Variants in MALRD1 observed in about 807,000 individuals in gnomAD.
MALRD1 encodes MAM and LDL receptor class A domain containing 1, also known as MAM and LDL-receptor class A domain-containing protein 1.
In MALRD1, 247 loss-of-function variants were observed where a neutral mutation model predicts 242.1. The ratio of observed to expected loss-of-function variants is 1.02; its 90% CI spans 0.92 to 1.13. The LOEUF is 1.13. Among genes scored for constraint, MALRD1 ranks in the 50% most tolerant of loss-of-function variants. MALRD1 has a pLI of 0.00. For missense variants in MALRD1, 2,989 were observed against 2,533.1 expected (o/e 1.18, Z -3.86); for synonymous variants, 995 against 866.6 (o/e 1.15, Z -2.60).
intron 33 of MALRD1, among the ~76,000 whole-genome samples, chr10:19,593,209 C>T (rs1837909174): frequency 6.6e-6 from 1 of 152,162 alleles, no homozygotes; most frequent in Non-Finnish European, 1.5e-5. Flanking sequence ...GCTGTGATCT[C>T]AGGCAGTTAG....
At chr10:19,585,593 C>G (rs976715484) in intron 33 of MALRD1, among the ~76,000 whole-genome samples, 1 of 152,090 alleles carries the variant, frequency 6.6e-6, no homozygotes, top group African/African-American at 2.4e-5. Context: ...GCTGAGAGAT[C>G]TGCTGTTATT....
At chr10:19,535,232 C>T (rs532776981) in intron 32 of MALRD1, among the ~76,000 whole-genome samples, 3 of 151,990 alleles carry the variant, frequency 2.0e-5, no homozygotes, top group Non-Finnish European at 2.9e-5. Context: ...TTGGAAACCA[C>T]GTGAGCATCA....
chr10:19,679,163 C>A (rs943436478), intron 36 of MALRD1, among the ~76,000 whole-genome samples: 2 of 152,148 alleles, frequency 1.3e-5, no homozygotes, highest in African/African-American at 4.8e-5. Flanking sequence ...CAGGATGATG[C>A]TGGCCCCATT....
At chr10:19,270,794 G>A (rs1840191475) in intron 19 of MALRD1, among the ~76,000 whole-genome samples, 1 of 136,566 alleles carries the variant, frequency 7.3e-6, no homozygotes, top group Non-Finnish European at 1.6e-5. Context: ...GGTTAAGATG[G>A]CATTCAAAGG....
At chr10:19,663,444 G>A (rs933276158) in intron 36 of MALRD1, among the ~76,000 whole-genome samples, 9 of 152,074 alleles carry the variant, frequency 5.9e-5, no homozygotes, top group African/African-American at 2.2e-4. Context: ...CACTTAAGTT[G>A]ATTCCATGAC....
chr10:19,525,953 G>C (rs921366350), intron 31 of MALRD1, among the ~76,000 whole-genome samples: 1 of 152,122 alleles, frequency 6.6e-6, no homozygotes, highest in African/African-American at 2.4e-5. Flanking sequence ...TCTATAAATA[G>C]CTGTTCTGTG....
intron 26 of MALRD1, among the ~76,000 whole-genome samples, chr10:19,377,450 G>A (rs1744663101): frequency 6.6e-6 from 1 of 152,030 alleles, no homozygotes; most frequent in Non-Finnish European, 1.5e-5. Flanking sequence ...TCAGATCTCA[G>A]GTCTGCTCCC....
chr10:19,707,336 C>G lies in MALRD1; in HGVS notation c.6314+14782C>G, dbSNP rs529019863. Among the ~76,000 whole-genome samples, 13 of 152,240 alleles carry G rather than the reference C, an allele frequency of 8.5e-5. No homozygotes were observed. The South Asian group carries it at 2.7e-3, about 32-fold the overall frequency. ...ATGATTTCACTTTATTCTGACCACA[C>G]CTTCGTAAATTGCCACTTTATCAAA... On this transcript the variant is annotated intron_variant, in intron 38 of 39. Transcript: ENST00000454679.
chr10:19,712,400 C>T (rs1248931425), intron 38 of MALRD1, among the ~76,000 whole-genome samples: 1 of 151,976 alleles, frequency 6.6e-6, no homozygotes, highest in Non-Finnish European at 1.5e-5. Flanking sequence ...TGAAATTGTT[C>T]ATAGATTCAG....
chr10:19,149,130 A>G (rs1280250087), intron 11 of MALRD1, among the ~76,000 whole-genome samples: 1 of 151,552 alleles, frequency 6.6e-6, no homozygotes, highest in Non-Finnish European at 1.5e-5. Flanking sequence ...CTATCTAACT[A>G]GCTGAGACAG....
In MALRD1 at chr10:19,324,090, C is replaced by G; in HGVS notation, c.3561C>G (p.Thr1187=). ...TCTGGACACATATGAATGGGGCCAC[C>G]GTTGGTTCTCTCCAGGTACTGCTTA... The part of the protein sequence containing the change: ...LVFWTHMNGA[T]VGSLQVLIKK... Residue 1187 remains threonine, a synonymous_variant, in exon 22 of 40, where the codon ACC becomes ACG. Coordinates refer to ENST00000454679, the MANE Select transcript of MALRD1 (RefSeq NM_001142308.3). 6.5e-7 allele frequency: 1 copy of G among 1,550,198 alleles called. No homozygotes were observed.
chr10:19,276,400 T>G (rs1385379559), intron 19 of MALRD1, among the ~76,000 whole-genome samples: 2 of 152,170 alleles, frequency 1.3e-5, no homozygotes, highest in Non-Finnish European at 2.9e-5. Context: ...ACCTTGTATT[T>G]AAACATTTTA....
rs764430116 is a variant in MALRD1 at position 19,387,799 on chromosome 10, C to G, written c.4687+26C>G. 12 of 1,535,826 alleles carry G rather than the reference C, an allele frequency of 7.8e-6. No homozygotes were observed. The South Asian group carries it at 1.5e-4, about 19-fold the overall frequency. ...GTAGGTTATTAGATTGTTGTAATTG[C>G]TTTCACATGATTTTCACAATGTACA... On this transcript the variant is annotated intron_variant, in intron 27 of 39. Coordinates refer to ENST00000454679, the MANE Select transcript of MALRD1 (RefSeq NM_001142308.3).
intron 33 of MALRD1, among the ~76,000 whole-genome samples, chr10:19,592,050 C>T (rs1478552735): frequency 6.6e-6 from 1 of 152,206 alleles, no homozygotes; most frequent in Non-Finnish European, 1.5e-5. Flanking sequence ...AAGTCATGTT[C>T]ACCCTACATC....
At chr10:19,546,270 T>C (rs989046128) in intron 32 of MALRD1, among the ~76,000 whole-genome samples, 11 of 152,326 alleles carry the variant, frequency 7.2e-5, no homozygotes, top group South Asian at 6.2e-4. Context: ...GCATCTCTGG[T>C]TTCATATTTC....
At chr10:19,213,414 A>G (rs1837161507) in intron 18 of MALRD1, among the ~76,000 whole-genome samples, 1 of 152,130 alleles carries the variant, frequency 6.6e-6, no homozygotes, top group Non-Finnish European at 1.5e-5. Flanking sequence ...TTGTATTTTT[A>G]GTAGAGATGG....
At position 19,155,112 on chromosome 10, in the gene MALRD1, G is replaced by A. The variant is rs1274948034; in HGVS notation, c.1596G>A (p.Gly532=). The change falls in exon 12 of 40, where the codon GGG becomes GGA. Residue 532 remains glycine (G), a synonymous_variant. Transcript: ENST00000454679. ...FIYLEAQRSP[G]VAKLGSPVLT... ...ATTTGGAGGCACAGCGCTCCCCCGGGGTGGCCAAGCTTGGAAGTCCTGTTC... is the reference window on the plus strand; with the variant it reads ...ATTTGGAGGCACAGCGCTCCCCCGGAGTGGCCAAGCTTGGAAGTCCTGTTC... 2.4e-6 allele frequency: 3 copies of A among 1,231,372 alleles called. No homozygotes were observed. The Admixed American group carries it at 1.3e-4, about 52-fold the overall frequency. 76.3% of individuals were successfully genotyped at this position (1,231,372 alleles called of 1,614,324 possible).
intron 21 of MALRD1, among the ~76,000 whole-genome samples, chr10:19,315,017 A>G (rs1842586953): frequency 6.9e-6 from 1 of 144,826 alleles, no homozygotes; most frequent in South Asian, 2.1e-4. Flanking sequence ...TAATTTATAT[A>G]AATATATAAA....
At chr10:19,147,924 G>A (rs1337643981) in intron 11 of MALRD1, among the ~76,000 whole-genome samples, 3 of 152,152 alleles carry the variant, frequency 2.0e-5, no homozygotes, top group African/African-American at 7.2e-5. Flanking sequence ...AAAGATGGGA[G>A]TAGTTAGGGA....
Sources: allele counts gnomAD v4.1 joint callset (sites outside exome capture counted in the v4.1 genomes callset), GRCh38; gene constraint gnomAD v4.1.1; transcripts MANE v1.5; gene names NCBI Gene and HGNC (gene_info 2026-07-23, HGNC 2026-07-21).